Variants in CRLF3 observed in about 807,000 individuals in gnomAD.
CRLF3 encodes cytokine receptor-like factor 3.
A neutral mutation model predicts 55.0 loss-of-function variants in CRLF3; 33 were observed. The ratio of observed to expected loss-of-function variants is 0.60; its 90% CI spans 0.46 to 0.80. The LOEUF (loss-of-function observed/expected upper bound fraction) is 0.80, where lower values mean the gene tolerates loss of function less well. CRLF3 is among the 30% of genes least tolerant of loss of function. The pLI is 0.00. For synonymous variants in CRLF3, 238 were observed against 196.8 expected, an observed-to-expected ratio of 1.21 and a Z score of -1.75; for missense variants, 494 against 538.4, an observed-to-expected ratio of 0.92 and a Z score of 0.82.
At chr17:30,792,700 A>T in intron 5 of CRLF3, 128 bp from the exon 6 acceptor site, 1 of 767,716 alleles carries the variant, frequency 1.3e-6, no homozygotes. Flanking sequence ...CAATAAAATA[A>T]AAGATTCCAT....
intron 1 of CRLF3, among the ~76,000 whole-genome samples, chr17:30,810,864 G>A (rs1028829407): frequency 7.2e-5 from 11 of 151,964 alleles, no homozygotes; most frequent in Non-Finnish European, 1.6e-4. Context: ...TTGAAGGACG[G>A]ATCACTTGTG....
Position 30,783,024 on chromosome 17 carries a change from TAAA to T in CRLF3, c.*1160_*1162del, listed in dbSNP as rs568646811. The stretch of plus-strand genomic sequence containing the variant: ...TTACACACAAATTTAAGTAAGTTTT[TAAA>T]AAAAATAAGTATTTACGCTATATTT... On this transcript the variant is annotated 3_prime_UTR_variant, in exon 8 of 8. Coordinates refer to ENST00000324238, the MANE Select transcript of CRLF3 (RefSeq NM_015986.4). The T allele has an allele frequency of 7.2e-5, 11 of 152,026 alleles. No homozygotes were observed. Among genetic ancestry groups the T allele is most frequent in the Non-Finnish European group, 1.0e-4 (7 of 68,002 alleles). 9.4% of individuals were successfully genotyped at this position (152,026 alleles called of 1,614,324 possible). A position where few individuals can be genotyped will look rare whatever the true frequency, so the allele number is the denominator to read the frequency against.
chr17:30,785,821 C>A, intron 7 of CRLF3, 98 bp downstream of exon 7: 12 of 585,912 alleles, frequency 2.0e-5, no homozygotes, highest in Non-Finnish European at 2.3e-5. Flanking sequence ...CCTAAATTTT[C>A]TCATCTCCTA....
intron 1 of CRLF3, among the ~76,000 whole-genome samples, chr17:30,821,966 AT>A (rs1438120837): frequency 1.3e-5 from 2 of 151,316 alleles, no homozygotes; most frequent in Non-Finnish European, 2.9e-5. Context: ...CACACCTGTA[AT>A]TCCATCACCG....
chr17:30,810,559 C>T (rs1904581021), intron 1 of CRLF3, among the ~76,000 whole-genome samples: 2 of 151,574 alleles, frequency 1.3e-5, no homozygotes, highest in South Asian at 2.1e-4. Context: ...AAGACTCCAC[C>T]TCAAAAAAAA....
chr17:30,798,576 T>C (rs938929165), intron 2 of CRLF3, among the ~76,000 whole-genome samples: 2 of 152,102 alleles, frequency 1.3e-5, no homozygotes, highest in Non-Finnish European at 2.9e-5. Flanking sequence ...CTGTGGCTCA[T>C]GCCTATAATC....
intron 6 of CRLF3, among the ~76,000 whole-genome samples, chr17:30,791,524 T>A (rs1567659827): frequency 6.9e-6 from 1 of 144,330 alleles, no homozygotes; most frequent in Admixed American, 7.0e-5. Context: ...CTCTAAAATT[T>A]TTTTTTTTTT....
At chr17:30,803,781 A>G in intron 2 of CRLF3, 120 bp downstream of exon 2, 2 of 773,430 alleles carry the variant, frequency 2.6e-6, no homozygotes, top group Admixed American at 2.1e-5. Context: ...CCCCAGCCAC[A>G]TGGAACTGTA....
intron 6 of CRLF3, 133 bp downstream of exon 6, chr17:30,792,307 G>A: frequency 1.4e-6 from 1 of 726,786 alleles, no homozygotes; most frequent in Non-Finnish European, 2.2e-6. Flanking sequence ...AGGAAATAAA[G>A]AAGCCTTCCC....
chr17:30,796,134 C>A (rs768803727), intron 4 of CRLF3, 26 bp downstream of exon 4: 4 of 1,540,524 alleles, frequency 2.6e-6, no homozygotes, highest in South Asian at 1.3e-5. Context: ...ATGTGGAAGT[C>A]ATTTCTAGAA....
intron 1 of CRLF3, among the ~76,000 whole-genome samples, chr17:30,814,744 G>A (rs1904732333): frequency 6.6e-6 from 1 of 152,030 alleles, no homozygotes; most frequent in South Asian, 2.1e-4. Context: ...GCTCATGCCT[G>A]TAATCCCAGC....
chr17:30,784,878 C>T (rs1285604262), intron 7 of CRLF3: 1 of 160,552 alleles, frequency 6.2e-6, no homozygotes, highest in African/African-American at 2.4e-5. Flanking sequence ...CCTGCCTGAG[C>T]CTCTCGGATT....
At chr17:30,806,158 C>A (rs1393653520) in intron 1 of CRLF3, among the ~76,000 whole-genome samples, 1 of 152,124 alleles carries the variant, frequency 6.6e-6, no homozygotes, top group Non-Finnish European at 1.5e-5. Context: ...AGAGCTGGGA[C>A]AATGACTTAA....
At chr17:30,803,764 G>A in intron 2 of CRLF3, 137 bp downstream of exon 2, 1 of 704,154 alleles carries the variant, frequency 1.4e-6, no homozygotes, top group Non-Finnish European at 2.5e-6. Context: ...CCATGATTGT[G>A]AGGCCTCCCC....
chr17:30,824,468 C>G (rs900764372), intron 1 of CRLF3, 55 bp downstream of exon 1: 5 of 1,515,066 alleles, frequency 3.3e-6, no homozygotes, highest in Non-Finnish European at 4.4e-6. Context: ...AGCCTTCGCC[C>G]GGCATCCGCG....
chr17:30,785,263 G>C (rs1005736128), intron 7 of CRLF3: 1 of 151,502 alleles, frequency 6.6e-6, no homozygotes, highest in Non-Finnish European at 1.5e-5. Context: ...TTTTAGTAGA[G>C]ACAGGGTTTC....
rs1470042118 is a variant in CRLF3 at position 30,792,513 on chromosome 17, T to C, written c.886A>G (p.Asn296Asp). 3 of 1,612,942 alleles carry C rather than the reference T, an allele frequency of 1.9e-6. No individual in the cohort carries two copies. The Admixed American group carries it at 5.0e-5, about 27-fold the overall frequency. The change falls in exon 6 of 8, where the codon AAC becomes GAC. Residue 296 changes from asparagine (N) to aspartate (D), a missense_variant. Physicochemically the swap from Asn to Asp is conservative, Grantham distance 23 (BLOSUM62 1). Coordinates refer to ENST00000324238, the MANE Select transcript of CRLF3 (RefSeq NM_015986.4). ...LSSRRNIALR[N>D]DSESSGVLYS... ...AGAACACCCGATGATTCAGAATCGT[T>C]CCGAAGTGCTATATTTCTTCGACTG...
rs1377674766 is a variant in CRLF3, at chr17:30,793,573, T to C, written c.703A>G (p.Ile235Val). 2 of 1,614,104 alleles carry C rather than the reference T, an allele frequency of 1.2e-6. No homozygotes were observed. Among genetic ancestry groups the C allele is most frequent in the Non-Finnish European group, 1.7e-6 (2 of 1,179,978 alleles). Residue 235 changes from isoleucine to valine, a missense_variant, in exon 5 of 8, where the codon ATA becomes GTA. Physicochemically the swap from Ile to Val is conservative, Grantham distance 29 (BLOSUM62 3). Coordinates refer to ENST00000324238, the MANE Select transcript of CRLF3 (RefSeq NM_015986.4). ...ACGTTGGGGTCTATGTGCAATACTA[T>C]GAATTCAGTTTCAGAACCTACATAT... ...DVYVGSETEF[I>V]VLHIDPNVDY... is the part of the protein sequence containing the mutation.
chr17:30,797,439 C>A, intron 2 of CRLF3, 41 bp from the exon 3 acceptor site: 1 of 1,518,656 alleles, frequency 6.6e-7, no homozygotes, highest in South Asian at 1.1e-5. Context: ...TGAAAATGGT[C>A]ACATATAAAG....
Sources: allele counts gnomAD v4.1 joint callset (sites outside exome capture counted in the v4.1 genomes callset), GRCh38; gene constraint gnomAD v4.1.1; transcripts MANE v1.5; gene names NCBI Gene and HGNC (gene_info 2026-07-23, HGNC 2026-07-21).